Variants in VWA3A observed in about 807,000 individuals in gnomAD.
VWA3A encodes von Willebrand factor A domain-containing protein 3A.
A neutral mutation model predicts 160.4 loss-of-function variants in VWA3A; 134 were observed. The observed-to-expected ratio is 0.84, with a 90% CI of 0.73 to 0.96. The LOEUF is 0.96. Among genes scored for constraint, VWA3A ranks in the 40% least tolerant of loss-of-function variants. VWA3A has a pLI of 0.00. For missense variants in VWA3A, 1,310 were observed against 1,447.9 expected (o/e 0.90, Z 1.55); for synonymous variants, 476 against 543.4 (o/e 0.88, Z 1.72).
intron 24 of VWA3A, 97 bp downstream of exon 24, chr16:22,141,789 C>T (rs1168993854): frequency 3.9e-6 from 4 of 1,030,570 alleles, no homozygotes; most frequent in Non-Finnish European, 5.7e-6. Context: ...CTCCTGCTGT[C>T]CCAGGACCTA....
Position 22,138,404 on chromosome 16 carries a change from A to G in VWA3A, c.2184A>G (p.Val728=). ...CCCTGAAGAACCATTCAGGAAAAGT[A>G]CTGGGAAGTTCAGCCCTCCCGAAAG... ...MASLKNHSGK[V]LGSSALPKEK... The change falls in exon 22 of 34, where the codon GTA becomes GTG. Residue 728 remains valine (V), a synonymous_variant. Coordinates refer to ENST00000389398, the MANE Select transcript of VWA3A (RefSeq NM_173615.5). The G allele has an allele frequency of 6.2e-7, 1 of 1,610,202 alleles. No individual in the cohort carries two copies. The highest frequency in any genetic ancestry group is 8.5e-7 in the Non-Finnish European group (1 of 1,178,404).
chr16:22,097,424 C>A, intron 2 of VWA3A, 148 bp from the exon 3 acceptor site: 1 of 996,936 alleles, frequency 1.0e-6, no homozygotes, highest in South Asian at 1.8e-5. Flanking sequence ...CACATTTTAT[C>A]AGGACTCTGC....
intron 14 of VWA3A, among the ~76,000 whole-genome samples, chr16:22,122,837 A>G (rs953477043): frequency 1.3e-5 from 2 of 152,130 alleles, no homozygotes; most frequent in Non-Finnish European, 2.9e-5. Context: ...GCTGTCAGGT[A>G]TCGTCCATTC....
chr16:22,122,973 G>A (rs984832765), intron 14 of VWA3A, 112 bp from the exon 15 acceptor site: 16 of 824,774 alleles, frequency 1.9e-5, no homozygotes, highest in Non-Finnish European at 3.0e-5. Flanking sequence ...GACCTCAAAT[G>A]TGTTCAGAGT....
chr16:22,140,698 C>T (rs535146085), intron 23 of VWA3A, among the ~76,000 whole-genome samples: 1 of 151,714 alleles, frequency 6.6e-6, no homozygotes, highest in African/African-American at 2.4e-5. Flanking sequence ...GCAACCTCCA[C>T]CTCCTGGGTT....
intron 8 of VWA3A, 139 bp downstream of exon 8, chr16:22,111,133 C>A: frequency 1.4e-6 from 1 of 701,876 alleles, no homozygotes; most frequent in South Asian, 2.6e-5. Flanking sequence ...CTCACAAAAG[C>A]AGAAACAATT....
At position 22,121,552 on chromosome 16, in the gene VWA3A, G is replaced by A. The variant is rs750998819; in HGVS notation, c.1291G>A (p.Ala431Thr). Reference protein sequence around the residue: ...LSLYQVLAPNAFSPVEEFVPI... With the variant: ...LSLYQVLAPNTFSPVEEFVPI... Reference sequence around the variant, plus strand: ...TCTATATCAGGTCCTGGCACCCAATGCATTCTCTCCTGTGGAGGAATTTGT... The same window carrying A: ...TCTATATCAGGTCCTGGCACCCAATACATTCTCTCCTGTGGAGGAATTTGT... The change falls in exon 14 of 34, where the codon GCA (alanine) becomes ACA (threonine). Residue 431 changes from alanine (A) to threonine (T), a missense_variant. By Grantham distance (58) the Ala-to-Thr change is moderately conservative (BLOSUM62 0). Transcript: ENST00000389398. 6.2e-7 allele frequency: 1 copy of A among 1,613,712 alleles called. No individual in the cohort carries two copies. The highest frequency in any genetic ancestry group is 1.1e-5 in the South Asian group (1 of 91,074).
chr16:22,127,454 T>C (rs1344843205), intron 17 of VWA3A, among the ~76,000 whole-genome samples: 1 of 152,140 alleles, frequency 6.6e-6, no homozygotes. Flanking sequence ...GTTTTTTAAA[T>C]TGCATACTAT....
At chr16:22,104,807 C>T (rs957917299) in intron 6 of VWA3A, among the ~76,000 whole-genome samples, 2 of 152,170 alleles carry the variant, frequency 1.3e-5, no homozygotes, top group African/African-American at 4.8e-5. Flanking sequence ...TCAACTGGCA[C>T]TTTTCTGGCT....
chr16:22,115,850 G>GAAGGA (rs2045623017), intron 9 of VWA3A, among the ~76,000 whole-genome samples: 1 of 4,182 alleles, frequency 2.4e-4, no homozygotes, highest in Non-Finnish European at 4.0e-4. Flanking sequence ...AGGAAGGAAG[G>GAAGGA]AAGGAAGGAA....
In VWA3A at chr16:22,140,142, C is replaced by T. The variant is rs544466721; in HGVS notation, c.2293-12C>T. On this transcript the variant is annotated splice_polypyrimidine_tract_variant and intron_variant, in intron 22 of 33. Transcript: ENST00000389398. The stretch of plus-strand genomic sequence containing the variant: ...AACACTCCTCTGATGGGAAAGATTG[C>T]CTGTTTTCTAGAGCATTAAAGATGA... The T allele has an allele frequency of 1.2e-6, 2 of 1,611,808 alleles. No individual in the cohort carries two copies. Among genetic ancestry groups the T allele is most frequent in the East Asian group, 2.2e-5 (1 of 44,794 alleles).
rs1305407485 is a variant in VWA3A at position 22,113,187 on chromosome 16, T to G, written c.690-2160T>G. On this transcript the variant is annotated intron_variant, in intron 8 of 33. Transcript: ENST00000389398. ...TTATTTTTTATTTATTTGGTTTTTT[T>G]GTCTTTTTGTTTGTTTGTTTTTGAG... 1.3e-5 allele frequency among the ~76,000 whole-genome samples: 2 copies of G among 151,876 alleles called. 1 individual carries two copies. The highest frequency in any genetic ancestry group is 1.3e-4 in the Admixed American group (2 of 15,230).
intron 26 of VWA3A, among the ~76,000 whole-genome samples, chr16:22,145,110 G>C (rs1255676165): frequency 6.6e-6 from 1 of 152,004 alleles, no homozygotes; most frequent in Admixed American, 6.6e-5. Flanking sequence ...TTATTGCTTT[G>C]ACACTGGAAC....
chr16:22,093,192 T>G (rs1901398000), intron 1 of VWA3A, among the ~76,000 whole-genome samples: 2 of 152,152 alleles, frequency 1.3e-5, no homozygotes, highest in South Asian at 4.1e-4. Context: ...CTGTGAACAT[T>G]ACTAAGTCCC....
At chr16:22,154,576 G>A (rs1249635395) in intron 31 of VWA3A, among the ~76,000 whole-genome samples, 3 of 151,528 alleles carry the variant, frequency 2.0e-5, no homozygotes, top group Admixed American at 6.6e-5. Context: ...TGATCCACCC[G>A]CCTCAGCCAC....
intron 6 of VWA3A, 45 bp downstream of exon 6, chr16:22,103,574 A>G (rs1394304507): frequency 2.6e-6 from 4 of 1,546,362 alleles, no homozygotes; most frequent in Admixed American, 2.0e-5. Context: ...CACTCATTCC[A>G]TTTGTATTTG....
rs375680437 is a variant in VWA3A at position 22,152,643 on chromosome 16, C to A, written c.3405+9C>A. 21 of 1,597,276 alleles carry A rather than the reference C, an allele frequency of 1.3e-5. No individual in the cohort carries two copies. The African/African-American group carries it at 2.7e-4, about 20-fold the overall frequency. ...GCTTCATCAATGAAAAGGTAGGTTG[C>A]AGAGCCACTGAGCATGAGGTCTGTT... On this transcript the variant is annotated intron_variant, in intron 31 of 33. Coordinates refer to ENST00000389398, the MANE Select transcript of VWA3A (RefSeq NM_173615.5).
intron 1 of VWA3A, among the ~76,000 whole-genome samples, chr16:22,093,278 T>C (rs932691630): frequency 1.3e-5 from 2 of 152,114 alleles, no homozygotes; most frequent in Non-Finnish European, 2.9e-5. Flanking sequence ...TAACTAAATA[T>C]ATAGAAAATT....
intron 15 of VWA3A, 82 bp downstream of exon 15, chr16:22,123,247 C>T (rs1408362246): frequency 2.8e-5 from 38 of 1,338,362 alleles, no homozygotes; most frequent in Non-Finnish European, 3.6e-5. Flanking sequence ...ATGAAGTCAC[C>T]AAGCCATTGA....
Sources: allele counts gnomAD v4.1 joint callset (sites outside exome capture counted in the v4.1 genomes callset), GRCh38; gene constraint gnomAD v4.1.1; transcripts MANE v1.5; gene names NCBI Gene and HGNC (gene_info 2026-07-23, HGNC 2026-07-21).